KRT8: variants seen among roughly 807,000 people sequenced by gnomAD.
KRT8 encodes keratin, type II cytoskeletal 8.
A neutral mutation model predicts 43.0 loss-of-function variants in KRT8; 24 were observed. The ratio of observed to expected loss-of-function variants is 0.56; its 90% CI spans 0.40 to 0.78. The LOEUF is 0.78. Among genes scored for constraint, KRT8 ranks in the 30% least tolerant of loss-of-function variants. The pLI is 0.00. For missense variants in KRT8, 492 were observed against 638.4 expected (o/e 0.77, Z 2.47); for synonymous variants, 214 against 261.2 (o/e 0.82, Z 1.74).
chr12:52,898,782 T>A (rs1565715909), exon 6 of KRT8: 5 of 1,614,260 alleles, frequency 3.1e-6, no homozygotes, highest in Non-Finnish European at 4.2e-6. Context: ...TGCCGCGCCA[T>A]GTCCTGCTTG....
intron 2 of KRT8, among the ~76,000 whole-genome samples, chr12:52,924,310 A>G (rs936038688): frequency 1.1e-4 from 16 of 151,908 alleles, no homozygotes; most frequent in East Asian, 3.9e-4. Context: ...TTAGGCGGGC[A>G]TGGTGGCGGG....
intron 2 of KRT8, among the ~76,000 whole-genome samples, chr12:52,915,395 C>G (rs1941716831): frequency 6.7e-6 from 1 of 149,202 alleles, no homozygotes; most frequent in South Asian, 2.1e-4. Flanking sequence ...AAATGTGATT[C>G]ACCAAAAGAC....
At position 52,899,767 on chromosome 12, in the gene KRT8, G is replaced by A. The variant is rs993299952; in HGVS notation, c.981+8C>T. 4 of 1,610,660 alleles carry A rather than the reference G, an allele frequency of 2.5e-6. No homozygotes were observed. The highest frequency in any genetic ancestry group is 3.4e-6 in the Non-Finnish European group (4 of 1,178,902). ...AGGAACCCCTCCCACCCCCAACCCG[G>A]CCCATACCTGGCCTTTGAGGCCCTC... On this transcript the variant is annotated splice_region_variant and intron_variant, in intron 5 of 7. Coordinates refer to ENST00000692008, the Ensembl canonical transcript of KRT8.
chr12:52,902,841 G>T lies in KRT8; in HGVS notation c.325-769C>A, dbSNP rs1941407908. ...AGCCTGGCCAACATATTGAAACCCTGTCCCTACAAATAATACAAAAATTAA... is the reference window on the plus strand; with the variant it reads ...AGCCTGGCCAACATATTGAAACCCTTTCCCTACAAATAATACAAAAATTAA... On this transcript the variant is annotated intron_variant, in intron 1 of 7. Coordinates refer to ENST00000692008, the Ensembl canonical transcript of KRT8. Among the ~76,000 whole-genome samples, 3 of 152,030 alleles carry T rather than the reference G, an allele frequency of 2.0e-5. No individual in the cohort carries two copies. In the South Asian group the frequency reaches 6.2e-4, roughly 32 times the overall value.
At chr12:52,938,621 AT>A (rs113138799) in intron 2 of KRT8, among the ~76,000 whole-genome samples, 21,729 of 145,952 alleles carry the variant, frequency 0.15, 2,232 homozygotes, top group East Asian at 0.48. Context: ...CTACAAAAGA[AT>A]TTTTTTTTTT....
At chr12:52,939,980 T>C (rs1348415655) in intron 2 of KRT8, among the ~76,000 whole-genome samples, 1 of 151,960 alleles carries the variant, frequency 6.6e-6, no homozygotes, top group African/African-American at 2.4e-5. Context: ...AAGAACAAAA[T>C]AAATATTCAT....
chr12:52,915,177 T>C (rs899486297), intron 2 of KRT8, among the ~76,000 whole-genome samples: 2 of 151,522 alleles, frequency 1.3e-5, no homozygotes, highest in African/African-American at 2.4e-5. Context: ...ATCGAGACCA[T>C]CCTGGCTAAC....
intron 2 of KRT8, among the ~76,000 whole-genome samples, chr12:52,916,015 T>C: frequency 6.6e-6 from 1 of 152,066 alleles, no homozygotes; most frequent in Non-Finnish European, 1.5e-5. Context: ...CTTAGGAAAG[T>C]AAGATATGGA....
At chr12:52,902,163 C>G (rs967333308) in intron 1 of KRT8, 91 bp from the exon 2 acceptor site, 1 of 801,934 alleles carries the variant, frequency 1.2e-6, no homozygotes. Context: ...TTAATTCACT[C>G]CTCAAGCAGT....
chr12:52,905,740 C>T (rs1941502414), upstream of KRT8, among the ~76,000 whole-genome samples: 1 of 15,616 alleles, frequency 6.4e-5, no homozygotes, highest in African/African-American at 2.6e-4. Context: ...CACACACACA[C>T]ACACATACAC....
intron 5 of KRT8, 29 bp downstream of exon 5, chr12:52,899,746 A>G (rs1344334741): frequency 6.3e-7 from 1 of 1,596,356 alleles, no homozygotes; most frequent in Non-Finnish European, 8.6e-7. Context: ...TGTCCAAGGA[A>G]CCCCTCCCAC....
At chr12:52,937,373 TAA>T (rs879356847) in intron 2 of KRT8, among the ~76,000 whole-genome samples, 9 of 133,660 alleles carry the variant, frequency 6.7e-5, no homozygotes, top group African/African-American at 8.3e-5. Context: ...ACTCGGTCTC[TAA>T]AAAAAAAAAA....
intron 2 of KRT8, among the ~76,000 whole-genome samples, chr12:52,913,760 C>T (rs1417799784): frequency 6.6e-6 from 1 of 152,224 alleles, no homozygotes; most frequent in Non-Finnish European, 1.5e-5. Flanking sequence ...CGTGTACCAC[C>T]CGTCAGAGTC....
At chr12:52,936,081 G>A (rs146204996) in intron 2 of KRT8, among the ~76,000 whole-genome samples, 42 of 151,836 alleles carry the variant, frequency 2.8e-4, no homozygotes, top group South Asian at 8.3e-4. Context: ...GTGAAACCCC[G>A]TCTGTACTCA....
chr12:52,901,821 GA>G (rs1565717883), intron 2 of KRT8, 42 bp downstream of exon 2: 1 of 1,368,210 alleles, frequency 7.3e-7, no homozygotes, highest in East Asian at 2.3e-5. Flanking sequence ...GGGTGGAGGA[GA>G]GCACGGTGAC....
chr12:52,931,137 G>A (rs1410052905), intron 2 of KRT8, among the ~76,000 whole-genome samples: 3 of 150,172 alleles, frequency 2.0e-5, no homozygotes, highest in African/African-American at 7.4e-5. Flanking sequence ...GCATGATCTC[G>A]GCTCACTGCA....
In KRT8 at chr12:52,900,570, C is replaced by T; in HGVS notation, c.690+18G>A. 2 of 1,566,684 alleles carry T rather than the reference C, an allele frequency of 1.3e-6. No individual in the cohort carries two copies. Among genetic ancestry groups the T allele is most frequent in the Middle Eastern group, 2.2e-4 (1 of 4,458 alleles). ...ACAAGGCTGGGGGACCCTCACTCTC[C>T]TGCGACCAGGAACATACCTCTTCAT... On this transcript the variant is annotated intron_variant, in intron 4 of 7. Coordinates refer to ENST00000692008, the Ensembl canonical transcript of KRT8.
intron 7 of KRT8, 22 bp from the exon 8 acceptor site, chr12:52,897,640 C>T (rs746251017): frequency 2.5e-6 from 4 of 1,597,860 alleles, no homozygotes; most frequent in South Asian, 2.2e-5. Context: ...CAGAGGTAGC[C>T]ACATGAGTAC....
At chr12:52,911,171 G>A (rs1487402946), upstream of KRT8, among the ~76,000 whole-genome samples, 1 of 152,100 alleles carries the variant, frequency 6.6e-6, no homozygotes, top group African/African-American at 2.4e-5. Flanking sequence ...GGCCAACATG[G>A]TGAAACCCCA....
Sources: gnomAD v4.1 joint callset for allele counts (sites outside exome capture counted in the v4.1 genomes callset) on GRCh38, gnomAD v4.1.1 for gene constraint, MANE v1.5 for transcripts, NCBI Gene and HGNC (gene_info 2026-07-23, HGNC 2026-07-21) for gene names.